BCAS3: variants seen among roughly 807,000 people sequenced by gnomAD.
BCAS3 encodes the protein BCAS4/BCAS3 fusion.
BCAS3 carries 53 observed loss-of-function variants against 116.1 expected under a neutral mutation model. The ratio of observed to expected loss-of-function variants is 0.46; its 90% confidence interval spans 0.37 to 0.57. The LOEUF (loss-of-function observed/expected upper bound fraction) is 0.57. BCAS3 is among the 20% of genes least tolerant of loss of function. The probability of loss-of-function intolerance (pLI) is 0.00; values close to 1 mark genes in which losing one functional copy is unlikely to be tolerated. For missense variants in BCAS3, 917 were observed against 1,165.4 expected, an observed-to-expected ratio of 0.79 and a Z score of 3.10; for synonymous variants, 391 against 408.2, an observed-to-expected ratio of 0.96 and a Z score of 0.51.
rs537787837 is a variant in BCAS3, at chr17:61,133,847, T to C, written c.2425+49283T>C. 5.1e-5 allele frequency among the ~76,000 whole-genome samples: 5 copies of C among 98,596 alleles called. No individual in the cohort carries two copies. The Admixed American group carries it at 8.2e-4, about 16-fold the overall frequency. 64.7% of individuals were successfully genotyped at this position (98,596 alleles called of 152,430 possible). ...TCTGTGACTTTCATTGGCCTGCAAC[T>C]GCCTGGAATCTCAAAAAAAAAAAAA... On this transcript the variant is annotated intron_variant, in intron 22 of 23. Coordinates refer to ENST00000407086, the MANE Select transcript of BCAS3 (RefSeq NM_017679.5).
At chr17:61,287,383 T>C (rs181029540) in intron 22 of BCAS3, among the ~76,000 whole-genome samples, 37 of 151,920 alleles carry the variant, frequency 2.4e-4, no homozygotes, top group Admixed American at 7.9e-4. Flanking sequence ...CCATACTGCA[T>C]TTGTTCAGAG....
intron 22 of BCAS3, among the ~76,000 whole-genome samples, chr17:61,296,954 G>A (rs1266299916): frequency 6.6e-6 from 1 of 152,168 alleles, no homozygotes; most frequent in Middle Eastern, 3.2e-3. Flanking sequence ...GAGTCCCCTT[G>A]GAATTTTAAA....
At chr17:61,164,218 A>T (rs1395630387) in intron 22 of BCAS3, among the ~76,000 whole-genome samples, 1 of 152,008 alleles carries the variant, frequency 6.6e-6, no homozygotes, top group Non-Finnish European at 1.5e-5. Flanking sequence ...AAGATGTTGA[A>T]TTATCTTCTA....
At position 61,038,064 on chromosome 17, in the gene BCAS3, C is replaced by A. The variant is rs752486528; in HGVS notation, c.1928+10C>A. ...GCTGGACTCTGGTTAGGTAGTACCT[C>A]TTTTCTTTTTTTCTTTTTAACAGCT... is the stretch of plus-strand genomic sequence containing the variant. On this transcript the variant is annotated intron_variant, in intron 18 of 23. Coordinates refer to ENST00000407086, the MANE Select transcript of BCAS3 (RefSeq NM_017679.5). 2 of 1,604,148 alleles carry A rather than the reference C, an allele frequency of 1.2e-6. No individual in the cohort carries two copies. Among genetic ancestry groups the A allele is most frequent in the Non-Finnish European group, 1.7e-6 (2 of 1,176,632 alleles).
chr17:60,834,835 C>T (rs530640736), intron 7 of BCAS3, among the ~76,000 whole-genome samples: 6 of 151,758 alleles, frequency 4.0e-5, no homozygotes, highest in Non-Finnish European at 7.4e-5. Flanking sequence ...AAATAAATCC[C>T]GGCAACATCT....
At chr17:61,384,108 T>C (rs912919233) in intron 23 of BCAS3, among the ~76,000 whole-genome samples, 8 of 152,196 alleles carry the variant, frequency 5.3e-5, no homozygotes, top group Non-Finnish European at 1.2e-4. Context: ...AGGCCCCCCA[T>C]TGGCATCCAC....
rs531706398 is a variant in BCAS3 at position 61,213,264 on chromosome 17, G to A, written c.2425+128700G>A. On this transcript the variant is annotated intron_variant, in intron 22 of 23. Transcript: ENST00000407086. This position sits in a 1 kb window ranked among gnomAD's most constrained non-coding sequence, Gnocchi z 5.4. ...GGCTCACTGCAACCTCTGGTCCCCG[G>A]GTTCAAGCGATCCTCCTGCCTCAGC... 6.6e-6 allele frequency among the ~76,000 whole-genome samples: 1 copy of A among 152,046 alleles called. No individual in the cohort carries two copies. Among genetic ancestry groups the A allele is most frequent in the African/African-American group, 2.4e-5 (1 of 41,390 alleles).
chr17:61,152,792 T>C (rs1765338313), intron 22 of BCAS3, among the ~76,000 whole-genome samples: 1 of 152,072 alleles, frequency 6.6e-6, no homozygotes. Context: ...GTTTGGTGAG[T>C]ATACTTCTCT....
intron 12 of BCAS3, among the ~76,000 whole-genome samples, chr17:60,910,967 A>C (rs2058463566): frequency 6.6e-6 from 1 of 152,126 alleles, no homozygotes; most frequent in Non-Finnish European, 1.5e-5. Context: ...TTCATAAATA[A>C]ATAATTATAT....
At chr17:60,944,917 A>G (rs1379399792) in intron 13 of BCAS3, among the ~76,000 whole-genome samples, 1 of 152,154 alleles carries the variant, frequency 6.6e-6, no homozygotes, top group Admixed American at 6.5e-5. Flanking sequence ...CTTTCCTCCT[A>G]CAACACAGAA....
intron 22 of BCAS3, chr17:61,157,572 G>C (rs1438316550): frequency 6.9e-6 from 1 of 145,730 alleles, no homozygotes; most frequent in African/African-American, 2.6e-5. Flanking sequence ...CTCTTCCTCT[G>C]TTTCTCTCTT....
chr17:60,713,924 C>A (rs1281404811), intron 5 of BCAS3, among the ~76,000 whole-genome samples: 1 of 152,112 alleles, frequency 6.6e-6, no homozygotes, highest in Non-Finnish European at 1.5e-5. Context: ...ACCTCTGCCT[C>A]CTGGGTTCAA....
intron 19 of BCAS3, among the ~76,000 whole-genome samples, chr17:61,049,730 C>CTTTTCTTTTTTTTTTT (rs1237965285): frequency 8.3e-6 from 1 of 120,830 alleles, no homozygotes; most frequent in African/African-American, 3.5e-5. Flanking sequence ...CTTTTCTTTT[C>CTTTTCTTTTTTTTTTT]TTTTTTTTTT....
At chr17:60,848,353 T>C (rs1281705762) in intron 7 of BCAS3, among the ~76,000 whole-genome samples, 1 of 152,214 alleles carries the variant, frequency 6.6e-6, no homozygotes, top group African/African-American at 2.4e-5. Context: ...TCGAAAGATA[T>C]TGTATTGCTG....
At chr17:61,308,508 C>T (rs1254903490) in intron 22 of BCAS3, among the ~76,000 whole-genome samples, 1 of 151,586 alleles carries the variant, frequency 6.6e-6, no homozygotes, top group African/African-American at 2.4e-5. Flanking sequence ...AGAAATAGCA[C>T]TCTAAAAAAG....
chr17:60,948,503 GTTTCATACC>G (rs1185836695), intron 14 of BCAS3, among the ~76,000 whole-genome samples: 1 of 151,990 alleles, frequency 6.6e-6, no homozygotes, highest in Non-Finnish European at 1.5e-5. Flanking sequence ...AACACCTTTT[GTTTCATACC>G]TTATATGCAC....
intron 14 of BCAS3, among the ~76,000 whole-genome samples, chr17:60,950,958 G>C (rs1788454027): frequency 6.6e-6 from 1 of 152,186 alleles, no homozygotes; most frequent in Admixed American, 6.5e-5. Flanking sequence ...GCGTTGCATA[G>C]TGAATCCCGT....
intron 1 of BCAS3, among the ~76,000 whole-genome samples, 175 bp downstream of exon 1, chr17:60,678,089 G>T (rs1263917090): frequency 1.3e-5 from 2 of 152,194 alleles, no homozygotes; most frequent in Non-Finnish European, 2.9e-5. Context: ...CGGTGGCTCC[G>T]TGTTGGAGGT....
At position 61,032,242 on chromosome 17, in the gene BCAS3, CAAT is replaced by C. The variant is rs1010436902; in HGVS notation, c.1638-2423_1638-2421del. On this transcript the variant is annotated intron_variant, in intron 16 of 23. Coordinates refer to ENST00000407086, the MANE Select transcript of BCAS3 (RefSeq NM_017679.5). This position sits in a 1 kb window ranked among gnomAD's most constrained non-coding sequence, Gnocchi z 4.6. Reference sequence around the variant, plus strand: ...TTACCACATGATTTAAAAACAACAACAATGACATCCAGTAATTTGCAAAGAGCT... The same window carrying C: ...TTACCACATGATTTAAAAACAACAACGACATCCAGTAATTTGCAAAGAGCT... Among the ~76,000 whole-genome samples, 15 of 152,216 alleles carry C rather than the reference CAAT, an allele frequency of 9.9e-5. No individual in the cohort carries two copies. Among genetic ancestry groups the C allele is most frequent in the African/African-American group, 2.6e-4 (11 of 41,554 alleles).
Sources: allele counts gnomAD v4.1 joint callset (sites outside exome capture counted in the v4.1 genomes callset), GRCh38; gene constraint gnomAD v4.1.1; non-coding constraint Gnocchi (gnomAD v3.1); transcripts MANE v1.5; gene names NCBI Gene and HGNC (gene_info 2026-07-23, HGNC 2026-07-21).